LOXL2: variants seen among roughly 807,000 people sequenced by gnomAD.
LOXL2 encodes the protein lysyl oxidase homolog 2.
In LOXL2, 70 loss-of-function variants were observed where a neutral mutation model predicts 93.0. The ratio of observed to expected loss-of-function variants is 0.75; its 90% CI spans 0.62 to 0.92. The LOEUF (loss-of-function observed/expected upper bound fraction) is 0.92, where lower values mean the gene tolerates loss of function less well. Among genes scored for constraint, LOXL2 ranks in the 40% least tolerant of loss-of-function variants. LOXL2 has a pLI of 0.00. For missense variants in LOXL2, 973 were observed against 1,054.9 expected (o/e 0.92, Z 1.08); for synonymous variants, 438 against 413.2 (o/e 1.06, Z -0.73).
rs1359442700 is a variant in LOXL2, at chr8:23,309,959, G to A, written c.1637-48C>T. 5 of 1,408,524 alleles carry A rather than the reference G, an allele frequency of 3.5e-6. No individual in the cohort carries two copies. In the Admixed American group the frequency reaches 8.3e-5, roughly 23 times the overall value. The allele number at this position is 1,408,524 out of a possible 1,614,324, so 87.3% of individuals were successfully genotyped here. ...CAACAAGGCAAGAGACCCCTCCCCA[G>A]GGCTTCTACTTCTGATTCTTGAGCT... On this transcript the variant is annotated intron_variant, in intron 9 of 13. Coordinates refer to ENST00000389131, the MANE Select transcript of LOXL2 (RefSeq NM_002318.3).
At chr8:23,317,237 C>G in intron 8 of LOXL2, 123 bp from the exon 9 acceptor site, 1 of 1,034,450 alleles carries the variant, frequency 9.7e-7, no homozygotes. Flanking sequence ...CAGATCGAAA[C>G]AGCACGGAGG....
At chr8:23,332,679 ACACT>A (rs1208151862) in intron 5 of LOXL2, among the ~76,000 whole-genome samples, 4 of 9,594 alleles carry the variant, frequency 4.2e-4, no homozygotes, top group Admixed American at 1.3e-3. Context: ...ACTCATACAC[ACACT>A]CATACACCCC....
At chr8:23,307,724 G>C (rs931038775) in intron 10 of LOXL2, among the ~76,000 whole-genome samples, 7 of 152,118 alleles carry the variant, frequency 4.6e-5, no homozygotes, top group Admixed American at 3.3e-4. Flanking sequence ...AGGGAGCCAA[G>C]CACCAAAACC....
chr8:23,371,412 A>G (rs1371608770), intron 1 of LOXL2, among the ~76,000 whole-genome samples: 1 of 151,946 alleles, frequency 6.6e-6, no homozygotes, highest in African/African-American at 2.4e-5. Flanking sequence ...GAGTGTGTAA[A>G]ACAGGAAGAA....
intron 12 of LOXL2, among the ~76,000 whole-genome samples, chr8:23,300,976 A>T (rs574797427): frequency 6.6e-6 from 1 of 152,330 alleles, no homozygotes; most frequent in East Asian, 1.9e-4. Flanking sequence ...TGTGGGTGGA[A>T]AAGTGCTTGG....
At chr8:23,335,107 G>A (rs540857670) in intron 4 of LOXL2, among the ~76,000 whole-genome samples, 77 of 152,180 alleles carry the variant, frequency 5.1e-4, no homozygotes, top group African/African-American at 1.6e-3. Flanking sequence ...GAGCTATCAC[G>A]CCAGACCATA....
intron 1 of LOXL2, among the ~76,000 whole-genome samples, chr8:23,392,161 G>A (rs945418550): frequency 3.3e-5 from 5 of 152,178 alleles, no homozygotes; most frequent in South Asian, 2.1e-4. Context: ...ACCCAGTGAT[G>A]GCAGGGGCAG....
At chr8:23,317,942 G>T (rs1803428813) in intron 8 of LOXL2, among the ~76,000 whole-genome samples, 1 of 147,516 alleles carries the variant, frequency 6.8e-6, no homozygotes, top group Non-Finnish European at 1.5e-5. Context: ...ATCAGGATAG[G>T]AAGGGCCTTG....
chr8:23,319,832 G>A, intron 8 of LOXL2, 53 bp downstream of exon 8: 1 of 1,577,154 alleles, frequency 6.3e-7, no homozygotes, highest in South Asian at 1.1e-5. Context: ...TGAAGACAGT[G>A]TGGTCAGACT....
intron 1 of LOXL2, among the ~76,000 whole-genome samples, chr8:23,402,190 C>T (rs942003168): frequency 5.3e-5 from 8 of 152,082 alleles, no homozygotes; most frequent in Non-Finnish European, 1.0e-4. Context: ...CACACGTGCC[C>T]GCGCACACAC....
Position 23,315,879 on chromosome 8 carries a change from T to C in LOXL2, c.1636+1070A>G, listed in dbSNP as rs573214741. ...TATCTTCATTTCCTTCTGGAAAAGA[T>C]GGGATATTGCAAATATAAATAAATT... On this transcript the variant is annotated intron_variant, in intron 9 of 13. Coordinates refer to ENST00000389131, the MANE Select transcript of LOXL2 (RefSeq NM_002318.3). Among the ~76,000 whole-genome samples the C allele has an allele frequency of 4.6e-5, 7 of 152,308 alleles. No homozygotes were observed. In the East Asian group the frequency reaches 1.2e-3, roughly 25 times the overall value.
chr8:23,352,056 C>T (rs1804103168), intron 3 of LOXL2, among the ~76,000 whole-genome samples: 1 of 152,146 alleles, frequency 6.6e-6, no homozygotes, highest in Non-Finnish European at 1.5e-5. Flanking sequence ...CAAGTGATCC[C>T]CCCCACCTTG....
intron 4 of LOXL2, among the ~76,000 whole-genome samples, chr8:23,339,622 G>T (rs1803848254): frequency 6.6e-6 from 1 of 152,200 alleles, no homozygotes; most frequent in Admixed American, 6.5e-5. Context: ...GGGCCAGCCA[G>T]GTAGGAAGCC....
chr8:23,332,666 CACACTCATACA>C (rs1269198806), intron 5 of LOXL2, among the ~76,000 whole-genome samples: 1 of 35,820 alleles, frequency 2.8e-5, no homozygotes, highest in East Asian at 1.6e-3. Flanking sequence ...TACACCCCCC[CACACTCATACA>C]CACACTCATA....
chr8:23,340,782 G>A (rs1442936279), intron 4 of LOXL2, among the ~76,000 whole-genome samples: 2 of 152,180 alleles, frequency 1.3e-5, no homozygotes, highest in Non-Finnish European at 2.9e-5. Context: ...TCCTGTAGAT[G>A]TGTGAGTTCC....
chr8:23,346,190 TA>T (rs1237280047), intron 3 of LOXL2, among the ~76,000 whole-genome samples: 4 of 108,954 alleles, frequency 3.7e-5, no homozygotes, highest in African/African-American at 8.8e-5. Context: ...AATAATAAAA[TA>T]AAATAAAATA....
chr8:23,310,703 C>T (rs1465770157), intron 9 of LOXL2, among the ~76,000 whole-genome samples: 1 of 152,238 alleles, frequency 6.6e-6, no homozygotes, highest in Non-Finnish European at 1.5e-5. Flanking sequence ...CTGATTCCTA[C>T]TGCCAAATTG....
intron 5 of LOXL2, chr8:23,332,089 C>T (rs374952449): frequency 6.7e-6 from 1 of 150,236 alleles, no homozygotes. Context: ...AAAAAGAAAT[C>T]GGCCCATTGA....
intron 3 of LOXL2, among the ~76,000 whole-genome samples, chr8:23,343,309 G>A (rs1803916013): frequency 2.0e-5 from 3 of 152,148 alleles, no homozygotes; most frequent in African/African-American, 4.8e-5. Context: ...CTTAACCCTC[G>A]CACGCTGTAA....
Sources: allele counts gnomAD v4.1 joint callset (sites outside exome capture counted in the v4.1 genomes callset), GRCh38; gene constraint gnomAD v4.1.1; transcripts MANE v1.5; gene names NCBI Gene and HGNC (gene_info 2026-07-23, HGNC 2026-07-21).